Variants in SCMH1 observed in about 807,000 individuals in gnomAD.
SCMH1 encodes Scm polycomb group protein homolog 1.
A neutral mutation model predicts 70.8 loss-of-function variants in SCMH1; 37 were observed. The observed-to-expected ratio is 0.52, with a 90% CI of 0.40 to 0.69. The LOEUF is 0.69. SCMH1 is among the 30% of genes least tolerant of loss of function. The pLI is 0.00. For missense variants in SCMH1, 607 were observed against 827.3 expected (o/e 0.73, Z 3.27); for synonymous variants, 292 against 307.4 (o/e 0.95, Z 0.52).
intron 1 of SCMH1, among the ~76,000 whole-genome samples, chr1:41,212,033 G>A (rs1174790152): frequency 6.6e-6 from 1 of 152,148 alleles, no homozygotes; most frequent in Non-Finnish European, 1.5e-5. Flanking sequence ...GGGAGCTGGG[G>A]GAGGGATAGC....
rs3831833 is a variant in SCMH1, at chr1:41,073,618, T to TCATCCATCCATC, written c.978+1589_978+1600dup. Among the ~76,000 whole-genome samples the TCATCCATCCATC allele has an allele frequency of 4.4e-3, 657 of 148,752 alleles. 7 individuals are homozygous for TCATCCATCCATC. The highest frequency in any genetic ancestry group is 0.013 in the African/African-American group (532 of 40,366). ...GAGATTGGTAACATCATCACTAAAA[T>TCATCCATCCATC]CATCCATCCATCCATCCATCCATCC... On this transcript the variant is annotated intron_variant, in intron 9 of 14. Transcript: ENST00000337495.
At position 41,046,617 on chromosome 1, in the gene SCMH1, G is replaced by C. The variant is rs1646920033; in HGVS notation, c.1307-19C>G. Reference sequence around the variant, plus strand: ...AACACGGCTGTGGAGTGAGTAAACAGGGCCAAGCATGTCAGCCTGGCAGTG... The same window carrying C: ...AACACGGCTGTGGAGTGAGTAAACACGGCCAAGCATGTCAGCCTGGCAGTG... On this transcript the variant is annotated intron_variant, in intron 11 of 14. Transcript: ENST00000337495. 1.9e-6 allele frequency: 3 copies of C among 1,607,910 alleles called. No homozygotes were observed. The highest frequency in any genetic ancestry group is 2.6e-6 in the Non-Finnish European group (3 of 1,174,582).
chr1:41,217,337 G>C (rs1658312281), intron 1 of SCMH1, among the ~76,000 whole-genome samples: 1 of 152,138 alleles, frequency 6.6e-6, no homozygotes, highest in Non-Finnish European at 1.5e-5. Context: ...GTGGAAGTAT[G>C]GCCTGGGTTC....
intron 1 of SCMH1, among the ~76,000 whole-genome samples, chr1:41,195,801 T>C (rs1262611602): frequency 6.6e-6 from 1 of 152,176 alleles, no homozygotes; most frequent in Non-Finnish European, 1.5e-5. Flanking sequence ...GATATACTCT[T>C]ATATGTAGGA....
chr1:41,168,743 T>C (rs546946108), intron 2 of SCMH1, among the ~76,000 whole-genome samples: 1 of 151,848 alleles, frequency 6.6e-6, no homozygotes, highest in Admixed American at 6.6e-5. Context: ...ACTGGCCTCA[T>C]GTAGGAGAAG....
chr1:41,226,607 T>C (rs1196595150), intron 1 of SCMH1, among the ~76,000 whole-genome samples: 2 of 151,938 alleles, frequency 1.3e-5, no homozygotes, highest in Non-Finnish European at 2.9e-5. Context: ...TCAACAAATA[T>C]TAATATTATT....
chr1:41,123,284 G>A (rs1672392551), intron 6 of SCMH1, among the ~76,000 whole-genome samples: 1 of 152,180 alleles, frequency 6.6e-6, no homozygotes, highest in South Asian at 2.1e-4. Context: ...CATGCCCTCT[G>A]GTGGCAGGTA....
chr1:41,037,545 A>C lies in SCMH1; in HGVS notation c.1499-4T>G. 1 of 1,613,146 alleles carries C rather than the reference A, an allele frequency of 6.2e-7. No homozygotes were observed. The highest frequency in any genetic ancestry group is 8.5e-7 in the Non-Finnish European group (1 of 1,179,354). On this transcript the variant is annotated splice_region_variant and splice_polypyrimidine_tract_variant and intron_variant, in intron 12 of 14. Coordinates refer to ENST00000337495, the Ensembl canonical transcript of SCMH1. ...TTCCCCAGGACAAAGGTTTCACCTG[A>C]AAAACAGTAAAACCAGAGTTAGAGC... is the stretch of plus-strand genomic sequence containing the variant.
Position 41,104,090 on chromosome 1 carries a change from T to A in SCMH1, c.745+9193A>T, listed in dbSNP as rs551565276. Among the ~76,000 whole-genome samples, 4 of 152,304 alleles carry A rather than the reference T, an allele frequency of 2.6e-5. No individual in the cohort carries two copies. In the South Asian group the frequency reaches 6.2e-4, roughly 24 times the overall value. ...TCCCTTTTCTTGGGAGGCCTGGGGA[T>A]CTTGATTCAGATGCAACTAACGCAC... On this transcript the variant is annotated intron_variant, in intron 8 of 14. Coordinates refer to ENST00000337495, the Ensembl canonical transcript of SCMH1.
chr1:41,177,906 C>T (rs1158865688), intron 2 of SCMH1, among the ~76,000 whole-genome samples: 5 of 152,062 alleles, frequency 3.3e-5, no homozygotes, highest in Non-Finnish European at 2.9e-5. Flanking sequence ...ACATACTCCT[C>T]GAGAAGAGCA....
chr1:41,185,181 G>A (rs373739398), intron 2 of SCMH1, among the ~76,000 whole-genome samples: 11 of 151,868 alleles, frequency 7.2e-5, no homozygotes, highest in Non-Finnish European at 1.3e-4. Context: ...TGCTTCAAAC[G>A]AAAAATTCAT....
intron 14 of SCMH1, 56 bp from the exon 16 acceptor site, chr1:41,028,375 T>C: frequency 6.2e-7 from 1 of 1,603,264 alleles, no homozygotes; most frequent in Non-Finnish European, 8.5e-7. Context: ...GAGTCCTGGT[T>C]GGTCTGACCA....
intron 6 of SCMH1, among the ~76,000 whole-genome samples, chr1:41,123,240 T>C (rs1354817265): frequency 5.3e-5 from 8 of 152,072 alleles, no homozygotes; most frequent in Non-Finnish European, 1.2e-4. Context: ...CATACATACA[T>C]GTGGAGCAGC....
chr1:41,197,716 T>C (rs1653368208), intron 1 of SCMH1, among the ~76,000 whole-genome samples: 1 of 151,772 alleles, frequency 6.6e-6, no homozygotes, highest in Non-Finnish European at 1.5e-5. Context: ...AGGCAACAGG[T>C]GGATGTGCAT....
exon 9 of SCMH1, chr1:41,075,364 T>C (rs1470812034): frequency 6.2e-7 from 1 of 1,614,170 alleles, no homozygotes; most frequent in Non-Finnish European, 8.5e-7. Flanking sequence ...CCCTGGTTGA[T>C]GTTCCAAGAC....
chr1:41,030,145 T>G (rs1052540246), intron 13 of SCMH1, among the ~76,000 whole-genome samples: 5 of 152,104 alleles, frequency 3.3e-5, no homozygotes, highest in South Asian at 2.1e-4. Context: ...ATCCCAGGAG[T>G]TCCAGGCTGC....
intron 10 of SCMH1, among the ~76,000 whole-genome samples, chr1:41,058,409 C>G (rs1651356279): frequency 3.6e-5 from 2 of 54,842 alleles, no homozygotes; most frequent in South Asian, 1.5e-3. Flanking sequence ...TTGAGACAGT[C>G]TCGCTCTATC....
At chr1:41,159,851 A>C in intron 4 of SCMH1, 1 of 1,333,686 alleles carries the variant, frequency 7.5e-7, no homozygotes, top group Non-Finnish European at 9.7e-7. Flanking sequence ...TGAAAATCAT[A>C]ATAATCCTCC....
chr1:41,124,042 T>TTA lies in SCMH1; in HGVS notation c.413-7034_413-7033dup, dbSNP rs1287410733. Among the ~76,000 whole-genome samples, 4 of 152,046 alleles carry TTA rather than the reference T, an allele frequency of 2.6e-5. No individual in the cohort carries two copies. In the South Asian group the frequency reaches 6.2e-4, roughly 24 times the overall value. ...CATGGACACACAAACATATGTACAA[T>TTA]TATATATAAATAATTTTATTTTTTT... is the stretch of plus-strand genomic sequence containing the variant. On this transcript the variant is annotated intron_variant, in intron 6 of 14. Coordinates refer to ENST00000337495, the Ensembl canonical transcript of SCMH1.
Sources: allele counts gnomAD v4.1 joint callset (sites outside exome capture counted in the v4.1 genomes callset), GRCh38; gene constraint gnomAD v4.1.1; transcripts MANE v1.5; gene names NCBI Gene and HGNC (gene_info 2026-07-23, HGNC 2026-07-21).